CCDC47: variants seen among roughly 807,000 people sequenced by gnomAD.
The protein encoded by CCDC47 is PAT complex subunit CCDC47.
Under a neutral mutation model 60.5 loss-of-function variants are expected in CCDC47, and 41 were observed. The observed-to-expected ratio is 0.68, with a 90% CI of 0.53 to 0.88. The LOEUF is 0.88. Among genes scored for constraint, CCDC47 ranks in the 40% least tolerant of loss-of-function variants. CCDC47 has a pLI of 0.00. For missense variants in CCDC47, 513 were observed against 580.9 expected (o/e 0.88, Z 1.20); for synonymous variants, 195 against 190.7 (o/e 1.02, Z -0.18).
intron 8 of CCDC47, among the ~76,000 whole-genome samples, chr17:63,755,672 T>C (rs2039200152): frequency 6.6e-6 from 1 of 152,160 alleles, no homozygotes; most frequent in South Asian, 2.1e-4. Context: ...TGTATTCTTA[T>C]GATACTAAGA....
At chr17:63,751,347 C>T (rs1457321413) in intron 12 of CCDC47, among the ~76,000 whole-genome samples, 1 of 93,986 alleles carries the variant, frequency 1.1e-5, no homozygotes, top group Non-Finnish European at 1.9e-5. Context: ...GCCTGGGTGA[C>T]AGAGTGAGAC....
At chr17:63,753,491 A>G (rs1211120409) in intron 9 of CCDC47, 1 of 273,366 alleles carries the variant, frequency 3.7e-6, no homozygotes, top group Non-Finnish European at 5.6e-6. Context: ...ATTGTGCTCA[A>G]CTCCACAGCC....
intron 1 of CCDC47, among the ~76,000 whole-genome samples, chr17:63,771,144 G>A (rs1045798070): frequency 1.3e-5 from 2 of 151,784 alleles, no homozygotes; most frequent in African/African-American, 2.4e-5. Context: ...ATAGGCCAAC[G>A]GTACAGTAGG....
intron 12 of CCDC47, among the ~76,000 whole-genome samples, chr17:63,749,470 A>G (rs77687090): frequency 6.6e-6 from 1 of 150,690 alleles, no homozygotes; most frequent in Non-Finnish European, 1.5e-5. Context: ...AAAAAAAAAA[A>G]AGACCTGGCA....
Position 63,752,006 on chromosome 17 carries a change from C to G in CCDC47, c.1305G>C (p.Glu435Asp). ...TTCGCTCCTTCTCTGCTCTTTTTTT[C>G]TCCTCCCGCCGAGACTGTGCTGCTT... ...RQEAAQSRREEKKRAEKERIM... is the reference protein window; with the variant it reads ...RQEAAQSRREDKKRAEKERIM... The change falls in exon 12 of 13, where the codon GAG becomes GAC. Residue 435 changes from glutamate to aspartate, a missense_variant. Transcript: ENST00000225726. 1 of 1,613,554 alleles carries G rather than the reference C, an allele frequency of 6.2e-7. No individual in the cohort carries two copies. Among genetic ancestry groups the G allele is most frequent in the South Asian group, 1.1e-5 (1 of 91,074 alleles).
At chr17:63,767,953 T>C (rs2144497520) in intron 1 of CCDC47, among the ~76,000 whole-genome samples, 1 of 152,336 alleles carries the variant, frequency 6.6e-6, no homozygotes, top group South Asian at 2.1e-4. Context: ...GTTTCCTTCT[T>C]TGATTCCTAT....
intron 1 of CCDC47, among the ~76,000 whole-genome samples, chr17:63,772,330 T>C (rs2039351596): frequency 7.2e-6 from 1 of 138,526 alleles, no homozygotes; most frequent in South Asian, 2.5e-4. Context: ...CTCGGCTCAC[T>C]GCAAGCTCCG....
intron 6 of CCDC47, among the ~76,000 whole-genome samples, chr17:63,760,040 G>A (rs2039245405): frequency 1.7e-5 from 2 of 114,716 alleles, no homozygotes; most frequent in South Asian, 3.0e-4. Flanking sequence ...CTCCAGCCTG[G>A]CAACAGAGCA....
intron 6 of CCDC47, among the ~76,000 whole-genome samples, chr17:63,758,842 A>G (rs965594194): frequency 2.6e-5 from 4 of 152,204 alleles, no homozygotes; most frequent in African/African-American, 4.8e-5. Flanking sequence ...CTGCTCTTCC[A>G]TCATTGATGG....
intron 4 of CCDC47, 198 bp from the exon 5 acceptor site, chr17:63,761,549 T>G: frequency 5.3e-6 from 2 of 379,466 alleles, no homozygotes; most frequent in Non-Finnish European, 9.1e-6. Flanking sequence ...TATAAAAAAT[T>G]AGCCGGGCAT....
intron 12 of CCDC47, among the ~76,000 whole-genome samples, chr17:63,750,879 G>A (rs1385406159): frequency 2.8e-5 from 4 of 144,220 alleles, no homozygotes; most frequent in South Asian, 2.2e-4. Flanking sequence ...GAGCCACCAC[G>A]CCCGGCCTGT....
At chr17:63,760,364 ATG>A (rs1240284842) in intron 6 of CCDC47, among the ~76,000 whole-genome samples, 1 of 152,190 alleles carries the variant, frequency 6.6e-6, no homozygotes, top group Non-Finnish European at 1.5e-5. Flanking sequence ...CCATTGATCT[ATG>A]TGGTGACAGA....
At chr17:63,765,557 C>A (rs1011445661) in intron 2 of CCDC47, 1 of 264,702 alleles carries the variant, frequency 3.8e-6, no homozygotes, top group African/African-American at 2.3e-5. Context: ...CCAGGCTGGT[C>A]TCAAACTCCT....
At chr17:63,756,009 T>G (rs1047553876) in intron 8 of CCDC47, among the ~76,000 whole-genome samples, 1 of 152,140 alleles carries the variant, frequency 6.6e-6, no homozygotes, top group Admixed American at 6.5e-5. Flanking sequence ...TGAAAGTCAT[T>G]AGCAATCCCA....
intron 1 of CCDC47, among the ~76,000 whole-genome samples, chr17:63,771,143 C>T (rs906135153): frequency 9.2e-5 from 14 of 151,762 alleles, no homozygotes; most frequent in Admixed American, 3.9e-4. Flanking sequence ...GATAGGCCAA[C>T]GGTACAGTAG....
Position 63,756,488 on chromosome 17 carries a change from T to C in CCDC47, c.818A>G (p.Gln273Arg), listed in dbSNP as rs199514258. The change falls in exon 7 of 13, where the codon CAG becomes CGG. Residue 273 changes from glutamine to arginine, a missense_variant. Transcript: ENST00000225726. Reference protein sequence around the residue: ...VGTRKALVRLQKEMQDLSEFC... With the variant: ...VGTRKALVRLRKEMQDLSEFC... ...ACATACCAAATCCTGCATCTCTTTC[T>C]GTAGTCGCACCAAGGCTTTCCGTGT... 1.2e-6 allele frequency: 2 copies of C among 1,613,938 alleles called. No individual in the cohort carries two copies. Among genetic ancestry groups the C allele is most frequent in the Non-Finnish European group, 1.7e-6 (2 of 1,179,748 alleles).
chr17:63,771,037 G>GAAAGAAAGA (rs1568253168), intron 1 of CCDC47, among the ~76,000 whole-genome samples: 33 of 54,716 alleles, frequency 6.0e-4, no homozygotes, highest in African/African-American at 1.9e-3. Flanking sequence ...AGGAAGGAAG[G>GAAAGAAAGA]AAGGAAGGAA....
At chr17:63,756,774 A>C (rs1383093651) in intron 6 of CCDC47, among the ~76,000 whole-genome samples, 1 of 152,188 alleles carries the variant, frequency 6.6e-6, no homozygotes, top group Non-Finnish European at 1.5e-5. Flanking sequence ...CTGTGAATTA[A>C]CCAAAAGGGA....
At chr17:63,754,030 C>A (rs1464136273) in intron 9 of CCDC47, among the ~76,000 whole-genome samples, 4 of 152,096 alleles carry the variant, frequency 2.6e-5, no homozygotes, top group Non-Finnish European at 4.4e-5. Context: ...TGCTTGAACC[C>A]GGGAGGCGGA....
Sources: allele counts gnomAD v4.1 joint callset (sites outside exome capture counted in the v4.1 genomes callset), GRCh38; gene constraint gnomAD v4.1.1; transcripts MANE v1.5; gene names NCBI Gene and HGNC (gene_info 2026-07-23, HGNC 2026-07-21).